CADM2: variants seen among roughly 807,000 people sequenced by gnomAD.
CADM2 encodes immunoglobulin superfamily member 4D.
CADM2 carries 12 observed loss-of-function variants against 49.8 expected under a neutral mutation model. That is an observed-to-expected ratio of 0.24 (90% CI 0.15 to 0.39). CADM2 has a LOEUF of 0.39. Ranked by LOEUF, CADM2 falls within the 10% of genes least tolerant of loss-of-function variation. CADM2 has a pLI of 1.00. For missense variants in CADM2, 378 were observed against 492.3 expected (o/e 0.77, Z 2.20); for synonymous variants, 214 against 175.4 (o/e 1.22, Z -1.74).
chr3:85,816,262 T>C (rs2073196352), intron 3 of CADM2, among the ~76,000 whole-genome samples: 1 of 152,018 alleles, frequency 6.6e-6, no homozygotes, highest in Non-Finnish European at 1.5e-5. Flanking sequence ...AACTTAGCTC[T>C]AGAGCACCAA....
chr3:85,271,712 TA>T (rs201627769), intron 1 of CADM2, among the ~76,000 whole-genome samples: 6 of 149,776 alleles, frequency 4.0e-5, no homozygotes, highest in Admixed American at 6.7e-5. Context: ...TCTCTTAAAT[TA>T]AAAAAAAATA....
intron 8 of CADM2, among the ~76,000 whole-genome samples, chr3:86,053,949 G>A (rs1452133149): frequency 5.9e-5 from 9 of 151,792 alleles, no homozygotes; most frequent in Non-Finnish European, 8.8e-5. Context: ...AGAATTTTTT[G>A]TGTCACCTAC....
At chr3:85,099,095 T>C (rs1318144729) in intron 1 of CADM2, among the ~76,000 whole-genome samples, 1 of 152,186 alleles carries the variant, frequency 6.6e-6, no homozygotes, top group Non-Finnish European at 1.5e-5. Context: ...ACACCATTTT[T>C]ATCCTTCAGG....
chr3:86,046,708 TG>T (rs1456637014), intron 8 of CADM2, among the ~76,000 whole-genome samples: 1 of 152,188 alleles, frequency 6.6e-6, no homozygotes, highest in Non-Finnish European at 1.5e-5. Context: ...AGGACTGGGC[TG>T]TGCATTCTTC....
chr3:85,274,430 A>G (rs1253446012), intron 1 of CADM2, among the ~76,000 whole-genome samples: 1 of 151,436 alleles, frequency 6.6e-6, no homozygotes, highest in East Asian at 1.9e-4. Flanking sequence ...TCTAGGACAT[A>G]TGTAGCAGAG....
intron 6 of CADM2, among the ~76,000 whole-genome samples, chr3:85,918,975 T>G (rs1718747429): frequency 6.6e-6 from 1 of 152,018 alleles, no homozygotes; most frequent in Non-Finnish European, 1.5e-5. Context: ...GAATATTCAT[T>G]TTCTGTATGT....
At chr3:85,345,889 A>G (rs2030590657) in intron 1 of CADM2, among the ~76,000 whole-genome samples, 1 of 152,308 alleles carries the variant, frequency 6.6e-6, no homozygotes, top group African/African-American at 2.4e-5. Flanking sequence ...TAATTGGGGC[A>G]TCATGTCTGT....
chr3:85,863,319 A>G (rs1199185231), intron 3 of CADM2, among the ~76,000 whole-genome samples: 1 of 152,118 alleles, frequency 6.6e-6, no homozygotes, highest in African/African-American at 2.4e-5. Context: ...TTAATTGCCA[A>G]TGTCATTGCA....
At chr3:85,892,829 G>A (rs2108422750) in intron 5 of CADM2, among the ~76,000 whole-genome samples, 1 of 152,300 alleles carries the variant, frequency 6.6e-6, no homozygotes, top group Non-Finnish European at 1.5e-5. Context: ...CAGTTTGGAG[G>A]TATCAGAAGA....
intron 1 of CADM2, among the ~76,000 whole-genome samples, chr3:84,979,598 G>A (rs1181287101): frequency 2.0e-5 from 3 of 151,948 alleles, no homozygotes; most frequent in Non-Finnish European, 4.4e-5. Context: ...CGGCCTTAAG[G>A]GGGAGAGAAA....
At chr3:85,408,622 A>C (rs1399880762) in intron 1 of CADM2, among the ~76,000 whole-genome samples, 1 of 152,198 alleles carries the variant, frequency 6.6e-6, no homozygotes, top group East Asian at 1.9e-4. Context: ...CTGCTATCTA[A>C]GTGACAGAGA....
chr3:85,156,211 A>G (rs2040115137), intron 1 of CADM2, among the ~76,000 whole-genome samples: 1 of 152,086 alleles, frequency 6.6e-6, no homozygotes, highest in South Asian at 2.1e-4. Context: ...GATCAACAAA[A>G]TTGATAGACC....
intron 2 of CADM2, among the ~76,000 whole-genome samples, chr3:85,748,789 GAA>G (rs371199781): frequency 1.6e-3 from 249 of 152,036 alleles, no homozygotes; most frequent in African/African-American, 5.6e-3. Flanking sequence ...AAACTGTAAG[GAA>G]CTTTACTAGT....
chr3:85,068,879 G>T (rs1036053383), intron 1 of CADM2, among the ~76,000 whole-genome samples: 1 of 151,430 alleles, frequency 6.6e-6, no homozygotes, highest in Non-Finnish European at 1.5e-5. Flanking sequence ...TCTGAAGATT[G>T]TTCTATGGTA....
At chr3:85,451,184 T>C (rs1156710744) in intron 1 of CADM2, among the ~76,000 whole-genome samples, 1 of 152,086 alleles carries the variant, frequency 6.6e-6, no homozygotes, top group Admixed American at 6.6e-5. Context: ...ATTTCACTTA[T>C]ATTTAAAAAT....
chr3:85,800,204 T>A (rs2071915515), intron 2 of CADM2: 1 of 152,348 alleles, frequency 6.6e-6, no homozygotes. Flanking sequence ...AACTGCCTAC[T>A]CAAGCCTCAG....
At chr3:85,035,597 T>C (rs561421951) in intron 1 of CADM2, among the ~76,000 whole-genome samples, 59 of 152,292 alleles carry the variant, frequency 3.9e-4, no homozygotes, top group African/African-American at 1.3e-3. Context: ...TTGATTTTTG[T>C]ATATGGGGGG....
intron 1 of CADM2, among the ~76,000 whole-genome samples, chr3:85,087,053 TA>T (rs1163118633): frequency 6.6e-6 from 1 of 152,086 alleles, no homozygotes; most frequent in Non-Finnish European, 1.5e-5. Context: ...ACATAAAACA[TA>T]AAGATAAAAT....
At chr3:85,489,198 T>G (rs538087901) in intron 1 of CADM2, among the ~76,000 whole-genome samples, 2 of 152,294 alleles carry the variant, frequency 1.3e-5, no homozygotes, top group South Asian at 4.1e-4. Flanking sequence ...TAAGTTGAAA[T>G]TGAAGTCTGA....
Sources: allele counts gnomAD v4.1 joint callset (sites outside exome capture counted in the v4.1 genomes callset), GRCh38; gene constraint gnomAD v4.1.1; transcripts MANE v1.5; gene names NCBI Gene and HGNC (gene_info 2026-07-23, HGNC 2026-07-21).